NTN1: variants seen among roughly 807,000 people sequenced by gnomAD.
NTN1 encodes netrin-1.
A neutral mutation model predicts 54.2 loss-of-function variants in NTN1; 11 were observed. The ratio of observed to expected loss-of-function variants is 0.20; its 90% confidence interval spans 0.13 to 0.34. The LOEUF (loss-of-function observed/expected upper bound fraction) is 0.34. NTN1 is among the 10% of genes least tolerant of loss of function. The probability of loss-of-function intolerance (pLI) is 1.00; values close to 1 mark genes in which losing one functional copy is unlikely to be tolerated. For synonymous variants in NTN1, 371 were observed against 382.0 expected, an observed-to-expected ratio of 0.97 and a Z score of 0.33; for missense variants, 740 against 893.1, an observed-to-expected ratio of 0.83 and a Z score of 2.18.
At chr17:9,030,782 G>A (rs2091886319) in intron 2 of NTN1, among the ~76,000 whole-genome samples, 1 of 151,992 alleles carries the variant, frequency 6.6e-6, no homozygotes, top group Non-Finnish European at 1.5e-5. Flanking sequence ...AAGAAAGATG[G>A]TTCTGTAAGT....
At chr17:9,038,563 G>A (rs931332576) in intron 2 of NTN1, among the ~76,000 whole-genome samples, 6 of 151,988 alleles carry the variant, frequency 3.9e-5, no homozygotes, top group African/African-American at 1.2e-4. Context: ...CCTTATCTCC[G>A]GTCTGTGTGT....
At chr17:9,029,231 C>T (rs905800632) in intron 2 of NTN1, among the ~76,000 whole-genome samples, 1 of 152,106 alleles carries the variant, frequency 6.6e-6, no homozygotes, top group African/African-American at 2.4e-5. Context: ...TATTGAGTGC[C>T]AGGCATTGTC....
At chr17:9,089,641 G>A (rs906909436) in intron 2 of NTN1, among the ~76,000 whole-genome samples, 1 of 152,100 alleles carries the variant, frequency 6.6e-6, no homozygotes, top group African/African-American at 2.4e-5. Flanking sequence ...AACACCTGCT[G>A]TGTGCTTCCC....
At position 9,023,238 on chromosome 17, in the gene NTN1, G is replaced by C. The variant is rs865836663; in HGVS notation, c.865G>C (p.Gly289Arg). 2 of 1,567,236 alleles carry C rather than the reference G, an allele frequency of 1.3e-6. No individual in the cohort carries two copies. The highest frequency in any genetic ancestry group is 1.7e-6 in the Non-Finnish European group (2 of 1,156,514). The change falls in exon 2 of 7, where the codon GGC becomes CGC. Residue 289 changes from glycine (G) to arginine (R), a missense_variant. Transcript: ENST00000173229. ...LQVGGRCKCN[G>R]HAARCVRDRD... The stretch of plus-strand genomic sequence containing the variant: ...GGTGGGCGGCCGGTGCAAGTGCAAC[G>C]GCCACGCGGCCCGCTGCGTGCGCGA...
intron 2 of NTN1, among the ~76,000 whole-genome samples, chr17:9,122,921 A>G (rs1281429401): frequency 6.6e-6 from 1 of 152,140 alleles, no homozygotes; most frequent in Non-Finnish European, 1.5e-5. Flanking sequence ...TGGGTGTACC[A>G]TGACTCCGTT....
chr17:9,147,642 C>T (rs1462237350), intron 2 of NTN1, among the ~76,000 whole-genome samples: 5 of 152,164 alleles, frequency 3.3e-5, no homozygotes, highest in Non-Finnish European at 7.3e-5. Flanking sequence ...TCCACCTCCT[C>T]CCCAGAGCCG....
chr17:9,153,318 G>A (rs1358895449), intron 2 of NTN1, among the ~76,000 whole-genome samples: 1 of 151,576 alleles, frequency 6.6e-6, no homozygotes, highest in Non-Finnish European at 1.5e-5. Context: ...GCGTGGTGGC[G>A]GGTGCCTGTA....
intron 2 of NTN1, among the ~76,000 whole-genome samples, chr17:9,062,355 A>G (rs1268206063): frequency 6.6e-6 from 1 of 152,226 alleles, no homozygotes; most frequent in Non-Finnish European, 1.5e-5. Context: ...TTCATGAGTT[A>G]CAGACACACG....
At chr17:9,134,772 G>A (rs528787607) in intron 2 of NTN1, among the ~76,000 whole-genome samples, 6 of 152,262 alleles carry the variant, frequency 3.9e-5, no homozygotes, top group Admixed American at 1.3e-4. Context: ...CACAGAGCCC[G>A]CTGAGTTTAA....
At chr17:9,231,296 G>GGT (rs375383476) in intron 6 of NTN1, among the ~76,000 whole-genome samples, 5 of 62,304 alleles carry the variant, frequency 8.0e-5, no homozygotes, top group African/African-American at 1.7e-4. Context: ...TGGGGTACCC[G>GGT]GGGGGGGACC....
intron 3 of NTN1, among the ~76,000 whole-genome samples, chr17:9,163,477 A>AACACACACAC (rs55765967): frequency 4.2e-5 from 6 of 142,680 alleles, no homozygotes; most frequent in African/African-American, 7.9e-5. Flanking sequence ...TCCCCCCCGA[A>AACACACACAC]ACACACACAC....
chr17:9,141,042 G>C (rs189315618), intron 2 of NTN1, among the ~76,000 whole-genome samples: 1 of 152,288 alleles, frequency 6.6e-6, no homozygotes, highest in African/African-American at 2.4e-5. Flanking sequence ...AACTGGATTT[G>C]GGAGGGAATA....
chr17:9,186,112 T>C lies in NTN1; in HGVS notation c.1411+3143T>C, dbSNP rs551530115. Reference sequence around the variant, plus strand: ...GGCAGAGGCCTGTGGGCGGAGGTGCTGGTAAGTATTTAGCAACTGCCTGGG... The same window carrying C: ...GGCAGAGGCCTGTGGGCGGAGGTGCCGGTAAGTATTTAGCAACTGCCTGGG... On this transcript the variant is annotated intron_variant, in intron 5 of 6. Coordinates refer to ENST00000173229, the MANE Select transcript of NTN1 (RefSeq NM_004822.3). Among the ~76,000 whole-genome samples the C allele has an allele frequency of 3.4e-3, 519 of 152,196 alleles. 2 individuals are homozygous for C. The highest frequency in any genetic ancestry group is 5.1e-3 in the Non-Finnish European group (344 of 67,992).
intron 6 of NTN1, among the ~76,000 whole-genome samples, chr17:9,225,210 G>A (rs892704806): frequency 1.8e-4 from 28 of 151,958 alleles, no homozygotes; most frequent in African/African-American, 4.8e-4. Context: ...AGCTGAGATC[G>A]TGCCGTTGCA....
intron 5 of NTN1, among the ~76,000 whole-genome samples, chr17:9,203,088 A>T (rs1055460821): frequency 6.6e-6 from 1 of 151,708 alleles, no homozygotes; most frequent in Non-Finnish European, 1.5e-5. Flanking sequence ...AGCCTGGCTA[A>T]TTTTTTTTAT....
intron 6 of NTN1, among the ~76,000 whole-genome samples, chr17:9,224,924 C>T (rs114264707): frequency 0.011 from 1,692 of 152,298 alleles, 34 homozygotes; most frequent in African/African-American, 0.039. Flanking sequence ...GACTGACACT[C>T]TCCCTGTGAT....
intron 2 of NTN1, among the ~76,000 whole-genome samples, chr17:9,132,851 G>A (rs998229635): frequency 6.6e-6 from 1 of 152,124 alleles, no homozygotes; most frequent in Non-Finnish European, 1.5e-5. Flanking sequence ...TCTAGCCTGG[G>A]CAACAAGAGA....
At chr17:9,099,066 G>A (rs2092140967) in intron 2 of NTN1, among the ~76,000 whole-genome samples, 1 of 152,118 alleles carries the variant, frequency 6.6e-6, no homozygotes, top group Non-Finnish European at 1.5e-5. Context: ...TGCTATATGG[G>A]AAACACTTTG....
At chr17:9,186,782 A>G (rs1490463244) in intron 5 of NTN1, among the ~76,000 whole-genome samples, 8 of 152,168 alleles carry the variant, frequency 5.3e-5, no homozygotes, top group Non-Finnish European at 1.0e-4. Context: ...TCACGGAAGG[A>G]AGTTGGGTTT....
Sources: gnomAD v4.1 joint callset for allele counts (sites outside exome capture counted in the v4.1 genomes callset) on GRCh38, gnomAD v4.1.1 for gene constraint, MANE v1.5 for transcripts, NCBI Gene and HGNC (gene_info 2026-07-23, HGNC 2026-07-21) for gene names.